Variants in MAGI1 observed in about 807,000 individuals in gnomAD.
MAGI1 encodes membrane associated guanylate kinase, WW and PDZ domain containing 1, also known as membrane-associated guanylate kinase, WW and PDZ domain-containing protein 1.
In MAGI1, 58 loss-of-function variants were observed where a neutral mutation model predicts 139.9. That is an observed-to-expected ratio of 0.41 (90% CI 0.34 to 0.52). MAGI1 has a LOEUF of 0.52. Ranked by LOEUF, MAGI1 falls within the 20% of genes least tolerant of loss-of-function variation. MAGI1 has a pLI of 0.12. For synonymous variants in MAGI1, 812 were observed against 737.9 expected (o/e 1.10, Z -1.63); for missense variants, 1,874 against 1,901.6 (o/e 0.99, Z 0.27).
rs71102855 is a variant in MAGI1 at position 65,423,384 on chromosome 3, G to GCA, written c.2167+6134_2167+6135dup. Among the ~76,000 whole-genome samples the GCA allele has an allele frequency of 5.2e-3, 783 of 151,548 alleles. 4 individuals are homozygous for GCA. Among genetic ancestry groups the GCA allele is most frequent in the African/African-American group, 0.017 (701 of 41,314 alleles). ...AAAACACACGTGCGTGCACACACGC[G>GCA]CACACACACACACACAGAGAAGAGC... On this transcript the variant is annotated intron_variant, in intron 12 of 22. Transcript: ENST00000402939.
intron 1 of MAGI1, among the ~76,000 whole-genome samples, chr3:65,786,507 C>T (rs2039392897): frequency 6.6e-6 from 1 of 151,870 alleles, no homozygotes; most frequent in Non-Finnish European, 1.5e-5. Context: ...AGGGTTTCCC[C>T]ATGTTGCCTG....
chr3:65,381,792 G>A (rs1349849941), intron 16 of MAGI1, 85 bp downstream of exon 16: 6 of 1,256,822 alleles, frequency 4.8e-6, no homozygotes, highest in East Asian at 2.4e-5. Context: ...TAAAATAGAC[G>A]CTCAAGGAGG....
At chr3:65,646,932 A>G (rs2085299587) in intron 1 of MAGI1, among the ~76,000 whole-genome samples, 2 of 152,120 alleles carry the variant, frequency 1.3e-5, no homozygotes, top group South Asian at 4.1e-4. Flanking sequence ...ATTAGAAAAG[A>G]AGATTCAAAT....
At chr3:65,435,592 T>G (rs1426794101) in intron 10 of MAGI1, among the ~76,000 whole-genome samples, 2 of 151,944 alleles carry the variant, frequency 1.3e-5, no homozygotes, top group Non-Finnish European at 2.9e-5. Flanking sequence ...TATCTCACAG[T>G]GAAAAAACAA....
intron 1 of MAGI1, among the ~76,000 whole-genome samples, chr3:65,690,401 G>A (rs1473072280): frequency 1.3e-5 from 2 of 152,276 alleles, no homozygotes; most frequent in African/African-American, 2.4e-5. Flanking sequence ...AGTCTTAGCA[G>A]AAATGTTTTA....
intron 1 of MAGI1, among the ~76,000 whole-genome samples, chr3:65,959,102 G>T: frequency 6.6e-6 from 1 of 152,276 alleles, no homozygotes; most frequent in African/African-American, 2.4e-5. Flanking sequence ...AAAGTCTCTG[G>T]AAGTTTCTGA....
chr3:65,857,949 A>G (rs2059423954), intron 1 of MAGI1, among the ~76,000 whole-genome samples: 1 of 152,132 alleles, frequency 6.6e-6, no homozygotes, highest in Non-Finnish European at 1.5e-5. Flanking sequence ...AGTGTTTTAA[A>G]TAGTATTCAT....
chr3:65,976,624 C>G (rs1363467732), intron 1 of MAGI1, among the ~76,000 whole-genome samples: 2 of 152,210 alleles, frequency 1.3e-5, no homozygotes, highest in Non-Finnish European at 2.9e-5. Context: ...GACTGGGACT[C>G]TGTCTCAAAC....
intron 1 of MAGI1, among the ~76,000 whole-genome samples, chr3:65,858,765 C>T (rs1237731922): frequency 6.6e-6 from 1 of 152,152 alleles, no homozygotes; most frequent in Non-Finnish European, 1.5e-5. Flanking sequence ...AACCACAGTG[C>T]AATTTTCAAG....
intron 18 of MAGI1, among the ~76,000 whole-genome samples, chr3:65,365,999 C>A (rs1185383530): frequency 6.6e-6 from 1 of 152,160 alleles, no homozygotes; most frequent in African/African-American, 2.4e-5. Flanking sequence ...GGTCCGGCTT[C>A]CTGTTATTTT....
At chr3:65,440,588 T>A (rs6762618) in intron 8 of MAGI1, among the ~76,000 whole-genome samples, 103,856 of 151,974 alleles carry the variant, frequency 0.68, 36,090 homozygotes, top group East Asian at 0.95. Context: ...CACAGAAGCA[T>A]AAGCATTCAT....
intron 1 of MAGI1, among the ~76,000 whole-genome samples, chr3:65,665,711 T>C (rs1340765360): frequency 2.6e-5 from 4 of 152,090 alleles, no homozygotes; most frequent in African/African-American, 9.7e-5. Context: ...AAACAAGAAC[T>C]GACAGTATGT....
chr3:65,493,077 C>A (rs200790137), intron 3 of MAGI1, among the ~76,000 whole-genome samples: 1,859 of 109,412 alleles, frequency 0.017, no homozygotes, highest in Middle Eastern at 0.034. Flanking sequence ...GACTCCGTCT[C>A]AAAAAAAAAA....
intron 4 of MAGI1, among the ~76,000 whole-genome samples, chr3:65,476,875 A>G (rs1195296528): frequency 6.6e-6 from 1 of 152,204 alleles, no homozygotes; most frequent in African/African-American, 2.4e-5. Flanking sequence ...ATGAATGAAA[A>G]CAGCTGATTT....
At chr3:65,707,861 A>T (rs1467657051) in intron 1 of MAGI1, among the ~76,000 whole-genome samples, 1 of 152,218 alleles carries the variant, frequency 6.6e-6, no homozygotes, top group African/African-American at 2.4e-5. Context: ...GAGGAAAGCA[A>T]GCCAATAAAA....
At chr3:65,942,155 G>C (rs147259766) in intron 1 of MAGI1, among the ~76,000 whole-genome samples, 1 of 151,984 alleles carries the variant, frequency 6.6e-6, no homozygotes, top group East Asian at 1.9e-4. Context: ...ACAGCATGTT[G>C]CTATATGCAC....
chr3:66,028,592 T>A (rs891130978), intron 1 of MAGI1, among the ~76,000 whole-genome samples: 3 of 151,840 alleles, frequency 2.0e-5, no homozygotes, highest in African/African-American at 7.3e-5. Context: ...GACCACAGAG[T>A]CCCATTCTCA....
chr3:65,632,172 A>G (rs2084354428), intron 1 of MAGI1, among the ~76,000 whole-genome samples: 1 of 152,350 alleles, frequency 6.6e-6, no homozygotes, highest in East Asian at 1.9e-4. Flanking sequence ...AAGGTTCTTG[A>G]TAAATACTCA....
At position 65,861,719 on chromosome 3, in the gene MAGI1, G is replaced by GA. The variant is rs749742548; in HGVS notation, c.313+176276dup. Among the ~76,000 whole-genome samples, 20 of 151,798 alleles carry GA rather than the reference G, an allele frequency of 1.3e-4. No individual in the cohort carries two copies. In the East Asian group the frequency reaches 1.6e-3, roughly 12 times the overall value. ...AGCTTGCAGAGGGAAGGGGCGCCGT[G>GA]AAAAAAAAGACACTCGTACAATGAA... On this transcript the variant is annotated intron_variant, in intron 1 of 22. Transcript: ENST00000402939.
Sources: allele counts gnomAD v4.1 joint callset (sites outside exome capture counted in the v4.1 genomes callset), GRCh38; gene constraint gnomAD v4.1.1; transcripts MANE v1.5; gene names NCBI Gene and HGNC (gene_info 2026-07-23, HGNC 2026-07-21).